LPIN2: variants seen among roughly 807,000 people sequenced by gnomAD.
The protein encoded by LPIN2 is phosphatidate phosphatase LPIN2.
LPIN2 carries 55 observed loss-of-function variants against 111.4 expected under a neutral mutation model. That is an observed-to-expected ratio of 0.49 (90% CI 0.40 to 0.62). The LOEUF is 0.62. Ranked by LOEUF, LPIN2 falls within the 20% of genes least tolerant of loss-of-function variation. The probability of loss-of-function intolerance (pLI) is 0.00; values close to 1 mark genes in which losing one functional copy is unlikely to be tolerated. For synonymous variants in LPIN2, 425 were observed against 414.0 expected (o/e 1.03, Z -0.32); for missense variants, 992 against 1,112.1 (o/e 0.89, Z 1.54).
At chr18:2,956,155 T>C (rs2077609669) in intron 2 of LPIN2, among the ~76,000 whole-genome samples, 1 of 152,276 alleles carries the variant, frequency 6.6e-6, no homozygotes, top group Non-Finnish European at 1.5e-5. Context: ...TTTCCTAGGA[T>C]TGAGTAACTA....
At chr18:3,006,025 G>A (rs1002610581) in intron 1 of LPIN2, among the ~76,000 whole-genome samples, 7 of 152,194 alleles carry the variant, frequency 4.6e-5, no homozygotes, top group African/African-American at 1.7e-4. Flanking sequence ...CCACATGGCT[G>A]TGGCCTCTGG....
At chr18:2,924,090 C>A (rs116088791) in intron 15 of LPIN2, among the ~76,000 whole-genome samples, 2 of 152,242 alleles carry the variant, frequency 1.3e-5, no homozygotes, top group Middle Eastern at 3.4e-3. Context: ...TCGGAGGTAA[C>A]TGACTGCCAC....
Position 2,937,906 on chromosome 18 carries a change from T to TTC in LPIN2, c.952_953dup (p.Asp319LysfsTer7). 1 of 1,614,158 alleles carries TTC rather than the reference T, an allele frequency of 6.2e-7. No individual in the cohort carries two copies. Among genetic ancestry groups the TTC allele is most frequent in the Non-Finnish European group, 8.5e-7 (1 of 1,180,026 alleles). On this transcript the variant is annotated frameshift_variant, in exon 7 of 20. Transcript: ENST00000677752. LOFTEE classifies it high-confidence loss of function. Reference sequence around the variant, plus strand: ...GCTTCACTATGGTACAGACAGTGTCTTCCATGGAAGCATCCTTCTCAACTT... The same window carrying TTC: ...GCTTCACTATGGTACAGACAGTGTCTTCTCCATGGAAGCATCCTTCTCAACTT...
At chr18:2,997,777 ACC>A (rs1412140735) in intron 1 of LPIN2, among the ~76,000 whole-genome samples, 1 of 152,114 alleles carries the variant, frequency 6.6e-6, no homozygotes, top group Non-Finnish European at 1.5e-5. Flanking sequence ...AGGATTCCTT[ACC>A]CCCCATGCCA....
chr18:3,004,748 A>G (rs1461645259), intron 1 of LPIN2, among the ~76,000 whole-genome samples: 1 of 152,184 alleles, frequency 6.6e-6, no homozygotes, highest in Non-Finnish European at 1.5e-5. Context: ...GCCCGAGAGC[A>G]ATATTTAGGT....
At chr18:2,941,631 C>A (rs1054954509) in intron 4 of LPIN2, among the ~76,000 whole-genome samples, 1 of 152,208 alleles carries the variant, frequency 6.6e-6, no homozygotes, top group Middle Eastern at 3.4e-3. Context: ...AAGAAAAGCA[C>A]AAAGAAAGAC....
intron 1 of LPIN2, among the ~76,000 whole-genome samples, chr18:3,007,015 A>AC (rs397949417): frequency 6.6e-6 from 1 of 150,614 alleles, no homozygotes. Flanking sequence ...AAAAAAAAAA[A>AC]CAGCATTTGT....
chr18:3,005,351 C>CAA (rs111680053), intron 1 of LPIN2, among the ~76,000 whole-genome samples: 3 of 129,842 alleles, frequency 2.3e-5, no homozygotes, highest in South Asian at 2.4e-4. Flanking sequence ...GACTCCGTCT[C>CAA]AAAAAAAAAA....
At chr18:2,928,695 C>G in intron 10 of LPIN2, 35 bp from the exon 11 acceptor site, 1 of 1,509,544 alleles carries the variant, frequency 6.6e-7, no homozygotes, top group Non-Finnish European at 9.2e-7. Context: ...AACCATTACA[C>G]AGTGAAAGTG....
chr18:3,001,304 G>C (rs1008741131), intron 1 of LPIN2, among the ~76,000 whole-genome samples: 2 of 152,198 alleles, frequency 1.3e-5, no homozygotes, highest in African/African-American at 4.8e-5. Flanking sequence ...GTGAGGTGTT[G>C]ACTGCAGAGT....
At chr18:3,010,479 A>G (rs546143019) in intron 1 of LPIN2, among the ~76,000 whole-genome samples, 1 of 152,126 alleles carries the variant, frequency 6.6e-6, no homozygotes, top group Middle Eastern at 3.4e-3. Flanking sequence ...TGAGAAGTAT[A>G]AAAACTTACC....
intron 1 of LPIN2, among the ~76,000 whole-genome samples, chr18:3,012,450 T>C (rs1174927213): frequency 2.0e-5 from 3 of 152,234 alleles, no homozygotes; most frequent in Non-Finnish European, 4.4e-5. Flanking sequence ...CAGTACAAAC[T>C]GTATCTGAAC....
chr18:2,992,740 T>C (rs1390272078), intron 1 of LPIN2, among the ~76,000 whole-genome samples: 2 of 151,780 alleles, frequency 1.3e-5, no homozygotes, highest in African/African-American at 2.4e-5. Flanking sequence ...TCCCAGCACT[T>C]TGGGAGGTCG....
intron 1 of LPIN2, among the ~76,000 whole-genome samples, chr18:2,971,823 G>T (rs1399072866): frequency 1.3e-5 from 2 of 151,760 alleles, no homozygotes; most frequent in Non-Finnish European, 1.5e-5. Flanking sequence ...CGAGGCGGGG[G>T]GTGGATCACC....
intron 4 of LPIN2, among the ~76,000 whole-genome samples, chr18:2,944,677 T>C (rs889503730): frequency 6.6e-6 from 1 of 152,162 alleles, no homozygotes; most frequent in African/African-American, 2.4e-5. Flanking sequence ...TCTACAATTT[T>C]ACATAGTTTT....
intron 4 of LPIN2, among the ~76,000 whole-genome samples, chr18:2,943,122 A>G (rs1009046217): frequency 1.3e-5 from 2 of 152,218 alleles, no homozygotes; most frequent in Non-Finnish European, 2.9e-5. Flanking sequence ...ACATGGATGT[A>G]TATGACTGCC....
chr18:2,956,483 G>A (rs765773104), intron 2 of LPIN2, among the ~76,000 whole-genome samples: 11 of 152,170 alleles, frequency 7.2e-5, no homozygotes, highest in East Asian at 3.9e-4. Context: ...AGGAACTGGC[G>A]TAAAATAATT....
intron 15 of LPIN2, among the ~76,000 whole-genome samples, chr18:2,924,168 T>A (rs2077097157): frequency 6.6e-6 from 1 of 152,174 alleles, no homozygotes. Context: ...ACCAAATAAC[T>A]AATCTTTCCA....
Position 2,920,207 on chromosome 18 carries a change from G to T in LPIN2, c.*86C>A. 6.4e-7 allele frequency: 1 copy of T among 1,566,096 alleles called. No homozygotes were observed. Among genetic ancestry groups the T allele is most frequent in the Non-Finnish European group, 8.8e-7 (1 of 1,139,444 alleles). On this transcript the variant is annotated 3_prime_UTR_variant, in exon 20 of 20. Coordinates refer to ENST00000677752, the MANE Select transcript of LPIN2 (RefSeq NM_001375808.2). ...GCACCCGTCCCCGCTGGGGAAGGCT[G>T]GTATCTGAGGTCAGCAGAAGAGCCA...
Sources: allele counts gnomAD v4.1 joint callset (sites outside exome capture counted in the v4.1 genomes callset), GRCh38; gene constraint gnomAD v4.1.1; transcripts MANE v1.5; gene names NCBI Gene and HGNC (gene_info 2026-07-23, HGNC 2026-07-21).